Variants in MEF2A observed in about 807,000 individuals in gnomAD.
The protein encoded by MEF2A is myocyte-specific enhancer factor 2A.
Under a neutral mutation model 55.8 loss-of-function variants are expected in MEF2A, and 28 were observed. The ratio of observed to expected loss-of-function variants is 0.50; its 90% CI spans 0.37 to 0.69. The LOEUF is 0.69. Among genes scored for constraint, MEF2A ranks in the 30% least tolerant of loss-of-function variants. The pLI is 0.00. For synonymous variants in MEF2A, 239 were observed against 227.1 expected, an observed-to-expected ratio of 1.05 and a Z score of -0.47; for missense variants, 528 against 626.2, an observed-to-expected ratio of 0.84 and a Z score of 1.67.
At chr15:99,699,976 GTGTGTGTGTA>G (rs1281846162) in intron 8 of MEF2A, among the ~76,000 whole-genome samples, 10 of 99,912 alleles carry the variant, frequency 1.0e-4, no homozygotes, top group South Asian at 4.8e-4. Context: ...GTGTGTGTGT[GTGTGTGTGTA>G]TATATATATA....
intron 2 of MEF2A, among the ~76,000 whole-genome samples, chr15:99,604,922 A>G (rs1974510656): frequency 6.6e-6 from 1 of 152,182 alleles, no homozygotes; most frequent in Non-Finnish European, 1.5e-5. Flanking sequence ...AGTAATCCCA[A>G]ACAATATTCC....
intron 8 of MEF2A, among the ~76,000 whole-genome samples, chr15:99,691,661 G>A (rs1010945382): frequency 1.3e-5 from 2 of 151,798 alleles, no homozygotes; most frequent in African/African-American, 2.4e-5. Context: ...TCACACCACT[G>A]CACTCCAGCC....
intron 9 of MEF2A, among the ~76,000 whole-genome samples, chr15:99,706,328 C>G (rs537452527): frequency 2.6e-5 from 4 of 152,260 alleles, no homozygotes; most frequent in Non-Finnish European, 5.9e-5. Flanking sequence ...TTCCTATACT[C>G]ATAGACGTAC....
At chr15:99,626,512 T>G (rs1309420494) in intron 2 of MEF2A, among the ~76,000 whole-genome samples, 2 of 152,202 alleles carry the variant, frequency 1.3e-5, no homozygotes, top group African/African-American at 4.8e-5. Flanking sequence ...TTCTGCTAGC[T>G]TTGAGTTTTC....
chr15:99,592,812 C>G (rs1482810548), intron 1 of MEF2A, among the ~76,000 whole-genome samples: 1 of 152,114 alleles, frequency 6.6e-6, no homozygotes, highest in African/African-American at 2.4e-5. Flanking sequence ...TCCCATGACC[C>G]AAACACCTCT....
intron 4 of MEF2A, 66 bp downstream of exon 4, chr15:99,645,830 C>CT: frequency 8.8e-7 from 1 of 1,140,758 alleles, no homozygotes; most frequent in Admixed American, 2.5e-5. Context: ...ATAGCATTAA[C>CT]TGTCAGAATG....
chr15:99,698,080 A>G (rs891706422), intron 8 of MEF2A, among the ~76,000 whole-genome samples: 11 of 152,230 alleles, frequency 7.2e-5, no homozygotes, highest in African/African-American at 2.7e-4. Flanking sequence ...TAAAAAATTA[A>G]CTAAAATTGG....
intron 3 of MEF2A, among the ~76,000 whole-genome samples, chr15:99,644,180 T>C (rs1383257399): frequency 1.3e-5 from 2 of 152,134 alleles, no homozygotes; most frequent in Admixed American, 6.5e-5. Flanking sequence ...TTAAAGAGAT[T>C]AGATCTACAT....
In MEF2A at chr15:99,678,864, C is replaced by T. The variant is rs185757223; in HGVS notation, c.670+3406C>T. 6.0e-4 allele frequency: 104 copies of T among 172,212 alleles called. 1 individual carries two copies. Among genetic ancestry groups the T allele is most frequent in the Non-Finnish European group, 1.1e-3 (92 of 86,530 alleles). 10.7% of individuals were successfully genotyped at this position (172,212 alleles called of 1,614,324 possible). A position where few individuals can be genotyped will look rare whatever the true frequency, so the allele number is the denominator to read the frequency against. Reference sequence around the variant, plus strand: ...TGGGAGAATATATATAGTATGTATACAATCAATAGAGAGGTTTTTTTTTAA... The same window carrying T: ...TGGGAGAATATATATAGTATGTATATAATCAATAGAGAGGTTTTTTTTTAA... On this transcript the variant is annotated intron_variant, in intron 7 of 11. Transcript: ENST00000557942.
intron 2 of MEF2A, among the ~76,000 whole-genome samples, chr15:99,630,161 G>A (rs772638127): frequency 3.3e-5 from 5 of 151,898 alleles, no homozygotes; most frequent in Non-Finnish European, 7.4e-5. Context: ...AAAGTTCTTA[G>A]CTATTATGTC....
rs1181247864 is a variant in MEF2A at position 99,573,224 on chromosome 15, G to C, written c.-225+7120G>C. On this transcript the variant is annotated intron_variant, in intron 1 of 11. Transcript: ENST00000557942. ...AATGGCGTGAACCCTGGGAGGCGGA[G>C]CCTGCAGTGAGCCAAGATCGCGCCA... Among the ~76,000 whole-genome samples, 3 of 147,758 alleles carry C rather than the reference G, an allele frequency of 2.0e-5. No homozygotes were observed. The Admixed American group carries it at 2.1e-4, about 10-fold the overall frequency.
intron 11 of MEF2A, 24 bp downstream of exon 11, chr15:99,710,784 G>T: frequency 6.3e-7 from 1 of 1,588,284 alleles, no homozygotes; most frequent in African/African-American, 1.3e-5. Context: ...AGTTTTCCCT[G>T]CATCTTTACT....
intron 8 of MEF2A, among the ~76,000 whole-genome samples, chr15:99,697,460 T>A (rs325391): frequency 0.63 from 93,869 of 148,158 alleles, 33,224 homozygotes; most frequent in Middle Eastern, 0.87. Context: ...GTTTGAAATT[T>A]AAAAAAAAAA....
At chr15:99,618,088 C>T (rs2040506686) in intron 2 of MEF2A, among the ~76,000 whole-genome samples, 1 of 152,212 alleles carries the variant, frequency 6.6e-6, no homozygotes, top group Middle Eastern at 3.4e-3. Flanking sequence ...ACTGTGATGT[C>T]CCTTGAGTTG....
chr15:99,697,459 TTAAAA>T (rs1448563892), intron 8 of MEF2A, among the ~76,000 whole-genome samples: 2 of 141,808 alleles, frequency 1.4e-5, no homozygotes, highest in Non-Finnish European at 3.1e-5. Context: ...AGTTTGAAAT[TTAAAA>T]AAAAAAATGA....
rs147828561 is a variant in MEF2A at position 99,679,580 on chromosome 15, A to T, written c.670+4122A>T. Among the ~76,000 whole-genome samples, 308 of 152,326 alleles carry T rather than the reference A, an allele frequency of 2.0e-3. 2 individuals carry two copies. The highest frequency in any genetic ancestry group is 2.3e-3 in the Non-Finnish European group (155 of 68,022). On this transcript the variant is annotated intron_variant, in intron 7 of 11. Transcript: ENST00000557942. ...AGAAAAACCAAGAAATTACTGTAAA[A>T]TTCACAATAGTGGTTACTTTGGGTA...
At chr15:99,667,086 A>G (rs111707551) in intron 4 of MEF2A, among the ~76,000 whole-genome samples, 1,738 of 152,306 alleles carry the variant, frequency 0.011, 31 homozygotes, top group African/African-American at 0.038. Context: ...TTAAAAACCA[A>G]TACTTGCTCC....
At chr15:99,641,106 A>T (rs2044835701) in intron 3 of MEF2A, among the ~76,000 whole-genome samples, 1 of 152,164 alleles carries the variant, frequency 6.6e-6, no homozygotes, top group Non-Finnish European at 1.5e-5. Context: ...TAGTGTCCGC[A>T]AAGAACTCTG....
intron 2 of MEF2A, among the ~76,000 whole-genome samples, chr15:99,625,900 A>G (rs1250398855): frequency 6.6e-6 from 1 of 152,060 alleles, no homozygotes. Flanking sequence ...TTTCGTGTCT[A>G]TTCATAGGGT....
Sources: gnomAD v4.1 joint callset for allele counts (sites outside exome capture counted in the v4.1 genomes callset) on GRCh38, gnomAD v4.1.1 for gene constraint, MANE v1.5 for transcripts, NCBI Gene and HGNC (gene_info 2026-07-23, HGNC 2026-07-21) for gene names.